Variants in LATS1 observed in about 807,000 individuals in gnomAD.
LATS1 encodes the protein large tumor suppressor kinase 1.
In LATS1, 25 loss-of-function variants were observed where a neutral mutation model predicts 106.6. The observed-to-expected ratio is 0.23, with a 90% CI of 0.17 to 0.33. The LOEUF (loss-of-function observed/expected upper bound fraction) is 0.33. Among genes scored for constraint, LATS1 ranks in the 10% least tolerant of loss-of-function variants. The probability of loss-of-function intolerance (pLI) is 1.00; values close to 1 mark genes in which losing one functional copy is unlikely to be tolerated. For missense variants in LATS1, 1,040 were observed against 1,382.6 expected (o/e 0.75, Z 3.93); for synonymous variants, 465 against 455.6 (o/e 1.02, Z -0.26).
intron 1 of LATS1, among the ~76,000 whole-genome samples, chr6:149,710,879 A>C (rs1784049917): frequency 6.6e-6 from 1 of 152,246 alleles, no homozygotes; most frequent in Non-Finnish European, 1.5e-5. Flanking sequence ...AGGAAGTAGT[A>C]GATTTGAAAG....
chr6:149,687,873 CT>C (rs1040108644), intron 3 of LATS1, among the ~76,000 whole-genome samples: 490 of 133,866 alleles, frequency 3.7e-3, no homozygotes, highest in Non-Finnish European at 5.2e-3. Flanking sequence ...TGACCCTCCT[CT>C]TTTTTTTTTT....
chr6:149,697,078 A>C (rs762852264), intron 2 of LATS1: 1 of 1,143,966 alleles, frequency 8.7e-7, no homozygotes. Flanking sequence ...TTCAAGAGGG[A>C]GGCAACTACT....
At chr6:149,687,873 C>CTTT (rs1040108644) in intron 3 of LATS1, among the ~76,000 whole-genome samples, 5 of 133,866 alleles carry the variant, frequency 3.7e-5, no homozygotes, top group Admixed American at 7.5e-5. Flanking sequence ...TGACCCTCCT[C>CTTT]TTTTTTTTTT....
At chr6:149,666,139 CAAAAAAAA>C (rs35062371) in intron 7 of LATS1, among the ~76,000 whole-genome samples, 2 of 57,108 alleles carry the variant, frequency 3.5e-5, no homozygotes, top group Admixed American at 2.4e-4. Flanking sequence ...ACTCCGTCTC[CAAAAAAAA>C]AAAAAAAAAA....
At position 149,694,543 on chromosome 6, in the gene LATS1, A is replaced by ATGG. The variant is rs144910284; in HGVS notation, c.496+528_496+530dup. 4.2e-3 allele frequency among the ~76,000 whole-genome samples: 646 copies of ATGG among 152,344 alleles called. 6 individuals are homozygous for ATGG. Among genetic ancestry groups the ATGG allele is most frequent in the African/African-American group, 0.015 (606 of 41,578 alleles). On this transcript the variant is annotated intron_variant, in intron 3 of 7. Coordinates refer to ENST00000543571, the MANE Select transcript of LATS1 (RefSeq NM_004690.4). ...AATTTAATAACAAGTAAAATTGTACATGGTATATTAAGTGAAAAAAGTAGG... is the reference window on the plus strand; with the variant it reads ...AATTTAATAACAAGTAAAATTGTACATGGTGGTATATTAAGTGAAAAAAGTAGG...
chr6:149,692,862 C>T (rs1023703478), intron 3 of LATS1, among the ~76,000 whole-genome samples: 2 of 151,830 alleles, frequency 1.3e-5, no homozygotes, highest in Non-Finnish European at 1.5e-5. Context: ...TTAGTAGAGA[C>T]GAGGTTTCTT....
intron 4 of LATS1, among the ~76,000 whole-genome samples, chr6:149,682,043 C>T (rs1409308636): frequency 6.7e-6 from 1 of 149,748 alleles, no homozygotes; most frequent in Non-Finnish European, 1.5e-5. Context: ...ACCCGGGAGG[C>T]GGAGGTTGCA....
chr6:149,683,910 T>C lies in LATS1; in HGVS notation c.1179A>G (p.Gly393=). The change falls in exon 4 of 8, where the codon GGA becomes GGG. Residue 393 remains glycine (G), a synonymous_variant. Transcript: ENST00000543571. ...GQSPSALQTG[G]SAAPSSYTNG... ...TTGTATATGACGAAGGAGCAGCAGATCCCCCTGTTTGTAAAGCAGAAGGGC... is the reference window on the plus strand; with the variant it reads ...TTGTATATGACGAAGGAGCAGCAGACCCCCCTGTTTGTAAAGCAGAAGGGC... The C allele has an allele frequency of 6.2e-7, 1 of 1,613,870 alleles. No homozygotes were observed. The highest frequency in any genetic ancestry group is 1.7e-5 in the Admixed American group (1 of 59,978).
At chr6:149,714,163 G>A (rs1277691664) in intron 1 of LATS1, among the ~76,000 whole-genome samples, 1 of 151,768 alleles carries the variant, frequency 6.6e-6, no homozygotes, top group Non-Finnish European at 1.5e-5. Flanking sequence ...GTAGAGACAG[G>A]GGTTTGCCAC....
intron 3 of LATS1, among the ~76,000 whole-genome samples, chr6:149,689,013 C>G (rs907987679): frequency 6.6e-6 from 1 of 151,992 alleles, no homozygotes; most frequent in African/African-American, 2.4e-5. Flanking sequence ...ACTAAAAATA[C>G]AAAAATTAGC....
At chr6:149,707,153 T>C (rs769061078) in intron 1 of LATS1, among the ~76,000 whole-genome samples, 5 of 151,594 alleles carry the variant, frequency 3.3e-5, no homozygotes, top group Non-Finnish European at 5.9e-5. Context: ...GTAGCCGAGA[T>C]CACAGGTGTG....
At chr6:149,698,843 G>A (rs911003346) in intron 2 of LATS1, among the ~76,000 whole-genome samples, 1 of 152,062 alleles carries the variant, frequency 6.6e-6, no homozygotes, top group African/African-American at 2.4e-5. Context: ...ATACAGGCGT[G>A]AGCCACCATG....
chr6:149,663,014 GA>G (rs887930211), intron 7 of LATS1, among the ~76,000 whole-genome samples: 12 of 148,222 alleles, frequency 8.1e-5, no homozygotes, highest in African/African-American at 2.7e-4. Context: ...TGAATAAAAT[GA>G]AATGATGAAG....
intron 3 of LATS1, among the ~76,000 whole-genome samples, chr6:149,692,596 C>T (rs1323796197): frequency 6.6e-6 from 1 of 152,038 alleles, no homozygotes; most frequent in Non-Finnish European, 1.5e-5. Flanking sequence ...GAGCCTGAAA[C>T]AGTGGTTGAC....
At position 149,683,964 on chromosome 6, in the gene LATS1, T is replaced by C. The variant is rs761790820; in HGVS notation, c.1125A>G (p.Pro375=). 2 of 1,614,216 alleles carry C rather than the reference T, an allele frequency of 1.2e-6. No homozygotes were observed. The highest frequency in any genetic ancestry group is 1.7e-5 in the Admixed American group (1 of 60,020). Residue 375 remains proline, a synonymous_variant, in exon 4 of 8, where the codon CCA becomes CCG. Transcript: ENST00000543571. ...GTCCATTAGCTGCTGTCAGAGGATA[T>C]GGAGGTGGTGGCTGCCGATTCACAG... The part of the protein sequence containing the change: ...AGTVNRQPPP[P]YPLTAANGQS...
At position 149,679,894 on chromosome 6, in the gene LATS1, A is replaced by G; in HGVS notation, c.2574T>C (p.Asp858=). 1 of 1,602,482 alleles carries G rather than the reference A, an allele frequency of 6.2e-7. No homozygotes were observed. Among genetic ancestry groups the G allele is most frequent in the Non-Finnish European group, 8.5e-7 (1 of 1,174,580 alleles). ...GLCTGFRWTH[D]SKYYQSGDHP... ...ACTTACCACTCTGATAGTACTTAGA[A>G]TCGTGTGTCCATCTGAAGCCAGTGC... The change falls in exon 5 of 8, where the codon GAT becomes GAC. Residue 858 remains aspartate (D), a synonymous_variant. Transcript: ENST00000543571.
chr6:149,702,982 T>C (rs1303652184), intron 1 of LATS1, among the ~76,000 whole-genome samples: 3 of 151,242 alleles, frequency 2.0e-5, no homozygotes, highest in East Asian at 2.0e-4. Flanking sequence ...CTTTTTTTTT[T>C]TGAGACAGAA....
In LATS1 at chr6:149,676,798, T is replaced by C. The variant is rs1014048671; in HGVS notation, c.2594-61A>G. On this transcript the variant is annotated intron_variant, in intron 5 of 7. Coordinates refer to ENST00000543571, the MANE Select transcript of LATS1 (RefSeq NM_004690.4). ...ATGACAACAGTAAACCTGAAGTCTATTTAATCTTCTGACATCGTGGTTTAG... is the reference window on the plus strand; with the variant it reads ...ATGACAACAGTAAACCTGAAGTCTACTTAATCTTCTGACATCGTGGTTTAG... The C allele has an allele frequency of 1.9e-5, 27 of 1,445,082 alleles. No homozygotes were observed. In the Admixed American group the frequency reaches 5.1e-4, roughly 27 times the overall value. 89.5% of individuals were successfully genotyped at this position (1,445,082 alleles called of 1,614,324 possible).
chr6:149,662,925 C>G (rs1374115346), intron 7 of LATS1, among the ~76,000 whole-genome samples: 1 of 147,744 alleles, frequency 6.8e-6, no homozygotes, highest in Non-Finnish European at 1.5e-5. Flanking sequence ...ATGACTGCAC[C>G]ACTGCACTCC....
Sources: gnomAD v4.1 joint callset for allele counts (sites outside exome capture counted in the v4.1 genomes callset) on GRCh38, gnomAD v4.1.1 for gene constraint, MANE v1.5 for transcripts, NCBI Gene and HGNC (gene_info 2026-07-23, HGNC 2026-07-21) for gene names.